The following FRMPD4 variants were observed in gnomAD, a reference collection of about 807,000 sequenced individuals.
FRMPD4 encodes FERM and PDZ domain-containing protein 4.
Under a neutral mutation model 94.1 loss-of-function variants are expected in FRMPD4, and 22 were observed. The ratio of observed to expected loss-of-function variants is 0.23; its 90% CI spans 0.17 to 0.33. The LOEUF is 0.33. Ranked by LOEUF, FRMPD4 falls within the 10% of genes least tolerant of loss-of-function variation. The pLI, the probability that FRMPD4 is intolerant of heterozygous loss-of-function variation, is 1.00. For synonymous variants in FRMPD4, 631 were observed against 548.6 expected, an observed-to-expected ratio of 1.15 and a Z score of -2.10; for missense variants, 1,111 against 1,339.9, an observed-to-expected ratio of 0.83 and a Z score of 2.67.
At chrX:12,246,741 T>C (rs2053964336) in intron 1 of FRMPD4, among the ~76,000 whole-genome samples, 1 of 110,700 alleles carries the variant, frequency 9.0e-6, no homozygotes. Flanking sequence ...CCTGAACCAG[T>C]GTAGCATTTT....
At chrX:11,831,751 G>A (rs918586667) in intron 1 of FRMPD4, among the ~76,000 whole-genome samples, 5 of 111,404 alleles carry the variant, frequency 4.5e-5, no homozygotes, top group Non-Finnish European at 9.4e-5. Flanking sequence ...ACCAAGAAGG[G>A]GAAAGTATCA....
At chrX:11,859,299 C>A (rs2053672084) in intron 1 of FRMPD4, among the ~76,000 whole-genome samples, 1 of 111,911 alleles carries the variant, frequency 8.9e-6, no homozygotes, top group Non-Finnish European at 1.9e-5. Flanking sequence ...AGCAAAGAAG[C>A]AAAGCACAGC....
chrX:12,237,161 T>C (rs1285728671), intron 1 of FRMPD4, among the ~76,000 whole-genome samples: 3 of 112,636 alleles, frequency 2.7e-5, no homozygotes, highest in Non-Finnish European at 5.6e-5. Context: ...CTGGGTTTAA[T>C]TGAATAAAAA....
intron 1 of FRMPD4, among the ~76,000 whole-genome samples, chrX:12,301,861 T>G (rs2147892497): frequency 8.9e-6 from 1 of 111,997 alleles, no homozygotes; most frequent in South Asian, 3.8e-4. Flanking sequence ...AAGTAGTAGA[T>G]GCTTAAGGAT....
intron 2 of FRMPD4, among the ~76,000 whole-genome samples, chrX:12,588,132 G>T (rs2058949249): frequency 9.0e-6 from 1 of 111,620 alleles, no homozygotes. Flanking sequence ...GGGATTACAG[G>T]CATGTGTCAC....
intron 3 of FRMPD4, among the ~76,000 whole-genome samples, chrX:12,115,409 C>A (rs1303537547): frequency 9.0e-6 from 1 of 111,277 alleles, no homozygotes; most frequent in Non-Finnish European, 1.9e-5. Context: ...AACTCGTGAG[C>A]TGAAGTGATC....
intron 2 of FRMPD4, among the ~76,000 whole-genome samples, chrX:12,579,529 C>A (rs963356708): frequency 8.9e-6 from 1 of 112,140 alleles, no homozygotes; most frequent in African/African-American, 3.2e-5. Context: ...AGCCCACGTG[C>A]AGGGATCGTG....
chrX:11,906,272 C>T (rs370353069), intron 3 of FRMPD4, among the ~76,000 whole-genome samples: 1 of 109,747 alleles, frequency 9.1e-6, no homozygotes, highest in Non-Finnish European at 1.9e-5. Flanking sequence ...TTCAACCTCC[C>T]GAGTAGCTGG....
chrX:12,252,544 T>A (rs1331822912), intron 1 of FRMPD4, among the ~76,000 whole-genome samples: 1 of 112,162 alleles, frequency 8.9e-6, no homozygotes, highest in African/African-American at 3.2e-5. Flanking sequence ...TTCTACCTTA[T>A]CTAGAGGAAA....
intron 3 of FRMPD4, among the ~76,000 whole-genome samples, chrX:12,019,639 C>T (rs2054622489): frequency 9.6e-6 from 1 of 103,864 alleles, no homozygotes; most frequent in Non-Finnish European, 2.0e-5. Flanking sequence ...GGACTGCTCA[C>T]TTTTTTTTTT....
At chrX:11,906,424 G>A (rs2053968293) in intron 3 of FRMPD4, among the ~76,000 whole-genome samples, 1 of 111,237 alleles carries the variant, frequency 9.0e-6, no homozygotes, top group African/African-American at 3.3e-5. Context: ...TAGGATTACA[G>A]GCGTGAGCCA....
intron 3 of FRMPD4, among the ~76,000 whole-genome samples, chrX:11,905,687 T>C (rs1195867335): frequency 9.0e-6 from 1 of 111,273 alleles, no homozygotes; most frequent in Non-Finnish European, 1.9e-5. Flanking sequence ...GGTATTAACA[T>C]TGATAACGTG....
At chrX:12,451,155 G>A (rs2057265306) in intron 1 of FRMPD4, among the ~76,000 whole-genome samples, 1 of 111,148 alleles carries the variant, frequency 9.0e-6, no homozygotes, top group Non-Finnish European at 1.9e-5. Flanking sequence ...TATTTGCATG[G>A]TTCATGTCTT....
chrX:12,452,713 C>T (rs1321726989), intron 1 of FRMPD4, among the ~76,000 whole-genome samples: 1 of 112,394 alleles, frequency 8.9e-6, no homozygotes, highest in African/African-American at 3.2e-5. Flanking sequence ...TATGTCCTCT[C>T]ATAAATGTTG....
intron 1 of FRMPD4, among the ~76,000 whole-genome samples, chrX:12,178,975 T>TTC (rs75771276): frequency 0.2 from 21,892 of 111,243 alleles, 1,971 homozygotes; most frequent in East Asian, 0.62. Flanking sequence ...AACTTATTAT[T>TTC]TCTCATGATT....
At chrX:11,975,892 T>C (rs1259835557) in intron 3 of FRMPD4, among the ~76,000 whole-genome samples, 1 of 112,243 alleles carries the variant, frequency 8.9e-6, no homozygotes, top group Non-Finnish European at 1.9e-5. Flanking sequence ...TGCTGAATTA[T>C]GTGTAATGCC....
At chrX:11,929,835 C>T (rs779983699) in intron 3 of FRMPD4, among the ~76,000 whole-genome samples, 3 of 110,513 alleles carry the variant, frequency 2.7e-5, no homozygotes, top group South Asian at 3.9e-4. Flanking sequence ...CAGCCGGGTG[C>T]GGTGGCTCAC....
chrX:12,172,186 T>C (rs2056235947), intron 1 of FRMPD4, among the ~76,000 whole-genome samples: 1 of 110,222 alleles, frequency 9.1e-6, no homozygotes, highest in South Asian at 4.0e-4. Flanking sequence ...TTGTTGTTGT[T>C]GTTCTGTTTG....
At chrX:11,881,642 T>A (rs1177289522) in intron 3 of FRMPD4, among the ~76,000 whole-genome samples, 1 of 111,094 alleles carries the variant, frequency 9.0e-6, no homozygotes, top group Non-Finnish European at 1.9e-5. Context: ...GGATTAGGGG[T>A]TGGAGGAGGG....
Sources: allele counts gnomAD v4.1 joint callset (sites outside exome capture counted in the v4.1 genomes callset), GRCh38; gene constraint gnomAD v4.1.1; transcripts MANE v1.5; gene names NCBI Gene and HGNC (gene_info 2026-07-23, HGNC 2026-07-21).